DZIP1: variants seen among roughly 807,000 people sequenced by gnomAD.
DZIP1 encodes the protein cilium assembly protein DZIP1.
Under a neutral mutation model 107.6 loss-of-function variants are expected in DZIP1, and 97 were observed. The ratio of observed to expected loss-of-function variants is 0.90; its 90% CI spans 0.77 to 1.07. DZIP1 has a LOEUF of 1.07. DZIP1 is among the 50% of genes least tolerant of loss of function. DZIP1 has a pLI of 0.00. For missense variants in DZIP1, 1,035 were observed against 1,063.6 expected, an observed-to-expected ratio of 0.97 and a Z score of 0.37; for synonymous variants, 390 against 386.4, an observed-to-expected ratio of 1.01 and a Z score of -0.11.
At chr13:95,588,412 A>G (rs1003814471) in intron 19 of DZIP1, among the ~76,000 whole-genome samples, 1 of 152,230 alleles carries the variant, frequency 6.6e-6, no homozygotes, top group Admixed American at 6.5e-5. Context: ...TGTCATCAAT[A>G]TCTCCAGAAT....
chr13:95,613,177 C>T (rs191541303), intron 10 of DZIP1, among the ~76,000 whole-genome samples: 365 of 152,240 alleles, frequency 2.4e-3, no homozygotes, highest in Middle Eastern at 0.017. Flanking sequence ...AAAGCAATTT[C>T]AGTAGTTGTT....
At chr13:95,617,964 T>C (rs1875341915) in intron 10 of DZIP1, 1 of 518,854 alleles carries the variant, frequency 1.9e-6, no homozygotes, top group Non-Finnish European at 3.8e-6. Context: ...GAGGGTGCCA[T>C]TTGCCAAGTC....
In DZIP1 at chr13:95,641,829, C is replaced by T. The variant is rs1014618963; in HGVS notation, c.63G>A (p.Pro21=). The change falls in exon 5 of 23, where the codon CCG becomes CCA. Residue 21 remains proline (P), a synonymous_variant. Transcript: ENST00000376829. This position sits in a 1 kb window ranked among gnomAD's most constrained non-coding sequence, Gnocchi z 4.3. ...SMPFQKHVYY[P]LASGPEGPDV... ...CGGGCCCCTCTGGGCCGCTGGCGAG[C>T]GGGTAGTAGACATGCTTCTGGAAGG... 6 of 1,228,006 alleles carry T rather than the reference C, an allele frequency of 4.9e-6. No individual in the cohort carries two copies. Among genetic ancestry groups the T allele is most frequent in the East Asian group, 6.1e-5 (1 of 16,444 alleles). 76.1% of individuals were successfully genotyped at this position (1,228,006 alleles called of 1,614,324 possible).
At chr13:95,611,573 T>G in intron 11 of DZIP1, 80 bp from the exon 12 acceptor site, 1 of 1,161,000 alleles carries the variant, frequency 8.6e-7, no homozygotes, top group Non-Finnish European at 1.3e-6. Context: ...CAGATAATGT[T>G]GTTAGTAAAT....
At chr13:95,639,518 G>T (rs1878226549) in intron 5 of DZIP1, among the ~76,000 whole-genome samples, 1 of 149,896 alleles carries the variant, frequency 6.7e-6, no homozygotes, top group Non-Finnish European at 1.5e-5. Flanking sequence ...TTGAACGCGG[G>T]AGAAGGAGGC....
intron 16 of DZIP1, among the ~76,000 whole-genome samples, chr13:95,591,019 CTTCT>C (rs1471159570): frequency 1.4e-5 from 2 of 146,822 alleles, no homozygotes; most frequent in Non-Finnish European, 3.0e-5. Flanking sequence ...TCAGAGGTGA[CTTCT>C]TTTTTTTTTT....
At chr13:95,599,702 G>A (rs1344207941) in intron 14 of DZIP1, among the ~76,000 whole-genome samples, 1 of 152,106 alleles carries the variant, frequency 6.6e-6, no homozygotes, top group Admixed American at 6.5e-5. Flanking sequence ...CTAGTACACG[G>A]TAGCCTTTTA....
chr13:95,625,349 C>G (rs1295714813), intron 7 of DZIP1, among the ~76,000 whole-genome samples: 3 of 152,086 alleles, frequency 2.0e-5, no homozygotes. Flanking sequence ...TTTACAGGAG[C>G]TAAATTCAAG....
chr13:95,605,843 A>G (rs1466559459), intron 14 of DZIP1, among the ~76,000 whole-genome samples, 160 bp downstream of exon 14: 1 of 152,234 alleles, frequency 6.6e-6, no homozygotes, highest in Non-Finnish European at 1.5e-5. Flanking sequence ...TTACAACAAT[A>G]TTACACATGA....
chr13:95,638,636 AACACACACACAC>A (rs3051404), intron 5 of DZIP1, among the ~76,000 whole-genome samples: 1 of 149,778 alleles, frequency 6.7e-6, no homozygotes, highest in Admixed American at 6.6e-5. Flanking sequence ...CCTTATACAC[AACACACACACAC>A]ACACACACAC....
At position 95,602,192 on chromosome 13, in the gene DZIP1, C is replaced by CT. The variant is rs576986900; in HGVS notation, c.1478-2769dup. ...TCACTTCCCTCACATCTCCTCTTCT[C>CT]TATGCATGGCCAAGTAATTACTCTA... On this transcript the variant is annotated intron_variant, in intron 14 of 22. Transcript: ENST00000376829. Among the ~76,000 whole-genome samples the CT allele has an allele frequency of 7.9e-5, 12 of 152,324 alleles. No homozygotes were observed. The East Asian group carries it at 2.3e-3, about 29-fold the overall frequency.
intron 8 of DZIP1, 57 bp downstream of exon 8, chr13:95,624,711 C>T: frequency 1.3e-6 from 2 of 1,495,878 alleles, no homozygotes; most frequent in Non-Finnish European, 1.8e-6. Flanking sequence ...TAATGCCATC[C>T]TAACACCACC....
intron 21 of DZIP1, among the ~76,000 whole-genome samples, chr13:95,585,723 T>A (rs1247811011): frequency 6.6e-6 from 1 of 152,220 alleles, no homozygotes; most frequent in Non-Finnish European, 1.5e-5. Flanking sequence ...ACAAATTTCT[T>A]TGTACAAACC....
Position 95,622,547 on chromosome 13 carries a change from T to A in DZIP1, c.973-67A>T, listed in dbSNP as rs1876015294. 5.7e-6 allele frequency: 9 copies of A among 1,584,424 alleles called. No individual in the cohort carries two copies. In the South Asian group the frequency reaches 7.8e-5, roughly 14 times the overall value. On this transcript the variant is annotated intron_variant, in intron 8 of 22. Coordinates refer to ENST00000376829, the MANE Select transcript of DZIP1 (RefSeq NM_198968.4). ...CATAAGATGGAAACAGAGAATAAAA[T>A]CAGGGAGCACATAGCTGTGTTTTAA...
chr13:95,597,060 C>A (rs1350669206), intron 15 of DZIP1, among the ~76,000 whole-genome samples: 1 of 152,170 alleles, frequency 6.6e-6, no homozygotes, highest in African/African-American at 2.4e-5. Context: ...TTTTCTTTTC[C>A]AGTCCAGCCC....
chr13:95,590,934 AC>A (rs1442211947), intron 16 of DZIP1, among the ~76,000 whole-genome samples: 1 of 152,114 alleles, frequency 6.6e-6, no homozygotes, highest in East Asian at 1.9e-4. Flanking sequence ...GGGTGATGAA[AC>A]CAGCAGAAGA....
In DZIP1 at chr13:95,578,221, AAC is replaced by A. The variant is rs2043965204; in HGVS notation, c.*4011_*4012del. ...CTGTTGTGGCTTTCTATAAAAAATA[AAC>A]AGTTTATTTACAGGATTTGTAAAAT... On this transcript the variant is annotated 3_prime_UTR_variant, in exon 23 of 23. Coordinates refer to ENST00000376829, the MANE Select transcript of DZIP1 (RefSeq NM_198968.4). The A allele has an allele frequency of 2.6e-5, 10 of 379,710 alleles. No homozygotes were observed. In the South Asian group the frequency reaches 4.0e-4, roughly 15 times the overall value. 23.5% of individuals were successfully genotyped at this position (379,710 alleles called of 1,614,324 possible). A position where few individuals can be genotyped will look rare whatever the true frequency, so the allele number is the denominator to read the frequency against.
intron 5 of DZIP1, among the ~76,000 whole-genome samples, chr13:95,636,364 G>A (rs568306683): frequency 6.6e-4 from 101 of 151,918 alleles, no homozygotes; most frequent in Non-Finnish European, 9.9e-4. Context: ...CCAACTTGGC[G>A]AAACCCTGTC....
intron 5 of DZIP1, among the ~76,000 whole-genome samples, chr13:95,637,851 T>C (rs1594744086): frequency 6.6e-6 from 1 of 152,274 alleles, no homozygotes; most frequent in East Asian, 1.9e-4. Context: ...TTAGTACAGA[T>C]CTATAAGTAT....
Sources: gnomAD v4.1 joint callset for allele counts (sites outside exome capture counted in the v4.1 genomes callset) on GRCh38, gnomAD v4.1.1 for gene constraint, Gnocchi (gnomAD v3.1) non-coding constraint, MANE v1.5 for transcripts, NCBI Gene and HGNC (gene_info 2026-07-23, HGNC 2026-07-21) for gene names.